Variants in EBF2 observed in about 807,000 individuals in gnomAD.
EBF2 encodes the protein transcription factor COE2.
A neutral mutation model predicts 72.8 loss-of-function variants in EBF2; 21 were observed. That is an observed-to-expected ratio of 0.29 (90% CI 0.20 to 0.42). The LOEUF (loss-of-function observed/expected upper bound fraction) is 0.42. Ranked by LOEUF, EBF2 falls within the 10% of genes least tolerant of loss-of-function variation. The pLI, the probability that EBF2 is intolerant of heterozygous loss-of-function variation, is 1.00. For synonymous variants in EBF2, 299 were observed against 274.2 expected (o/e 1.09, Z -0.89); for missense variants, 637 against 731.2 (o/e 0.87, Z 1.49).
At chr8:25,954,149 T>C (rs1803905581) in intron 6 of EBF2, among the ~76,000 whole-genome samples, 1 of 152,214 alleles carries the variant, frequency 6.6e-6, no homozygotes, top group Non-Finnish European at 1.5e-5. Flanking sequence ...CTAGCTATAT[T>C]CTAGTCATAT....
At chr8:25,979,852 T>C (rs143931177) in intron 6 of EBF2, among the ~76,000 whole-genome samples, 2,682 of 152,112 alleles carry the variant, frequency 0.018, 29 homozygotes, top group Non-Finnish European at 0.024. Context: ...GGCCACAAAA[T>C]AGAGACCCTG....
intron 10 of EBF2, among the ~76,000 whole-genome samples, chr8:25,878,595 G>C (rs1802559845): frequency 6.6e-6 from 1 of 152,192 alleles, no homozygotes; most frequent in South Asian, 2.1e-4. Context: ...GATGACATCA[G>C]CTTCCTGTCT....
rs571419204 is a variant in EBF2, at chr8:25,861,733, A to T, written c.1099-359T>A. The stretch of plus-strand genomic sequence containing the variant: ...AAAATCTGGTTCTCTAATTAACCAA[A>T]TATTCTTAAAATGATTGATGGATTT... On this transcript the variant is annotated intron_variant, in intron 11 of 15. Coordinates refer to ENST00000520164, the MANE Select transcript of EBF2 (RefSeq NM_022659.4). Among the ~76,000 whole-genome samples, 4 of 152,342 alleles carry T rather than the reference A, an allele frequency of 2.6e-5. No individual in the cohort carries two copies. The South Asian group carries it at 8.3e-4, about 32-fold the overall frequency.
intron 6 of EBF2, among the ~76,000 whole-genome samples, chr8:25,944,821 A>G (rs1803739162): frequency 6.6e-6 from 1 of 150,982 alleles, no homozygotes; most frequent in Non-Finnish European, 1.5e-5. Context: ...ACACTTATAT[A>G]GACATACACA....
chr8:25,896,746 C>A (rs539873718), intron 7 of EBF2, among the ~76,000 whole-genome samples: 1 of 152,196 alleles, frequency 6.6e-6, no homozygotes, highest in Non-Finnish European at 1.5e-5. Flanking sequence ...GAGAAATACA[C>A]GTCGGGTTTT....
At chr8:25,907,311 T>A (rs1223725870) in intron 7 of EBF2, among the ~76,000 whole-genome samples, 1 of 147,780 alleles carries the variant, frequency 6.8e-6, no homozygotes, top group African/African-American at 2.5e-5. Flanking sequence ...TCCTAGCTAC[T>A]CAGGAGGGTG....
chr8:25,897,394 T>A (rs1400288945), intron 7 of EBF2, among the ~76,000 whole-genome samples: 2 of 152,176 alleles, frequency 1.3e-5, no homozygotes, highest in Admixed American at 1.3e-4. Flanking sequence ...TCAAGGAGTA[T>A]ACATGCAGGT....
intron 8 of EBF2, 148 bp from the exon 9 acceptor site, chr8:25,888,120 C>T (rs1439232371): frequency 1.1e-6 from 1 of 899,666 alleles, no homozygotes; most frequent in African/African-American, 1.7e-5. Flanking sequence ...TAACAAACAA[C>T]AAACAAAAAA....
intron 6 of EBF2, among the ~76,000 whole-genome samples, chr8:25,917,188 T>A (rs549922937): frequency 2.2e-5 from 3 of 137,870 alleles, no homozygotes; most frequent in Non-Finnish European, 3.1e-5. Flanking sequence ...TTTGTGTGTT[T>A]GTGGTTTGGG....
rs745956432 is a variant in EBF2, at chr8:25,862,775, G to A, written c.1032C>T (p.Asp344=). ...IYTALNEPTI[D]YGFQRLQKVI... is the part of the protein sequence containing the mutation. ...CCTTCTGCAGTCTCTGGAAGCCATA[G>A]TCTATGGTGGGTTCATTTAATGCTG... is the stretch of plus-strand genomic sequence containing the variant. Residue 344 remains aspartate, a synonymous_variant, in exon 11 of 16, where the codon GAC becomes GAT. Coordinates refer to ENST00000520164, the MANE Select transcript of EBF2 (RefSeq NM_022659.4). The A allele has an allele frequency of 5.6e-6, 9 of 1,598,624 alleles. No individual in the cohort carries two copies. The highest frequency in any genetic ancestry group is 7.7e-6 in the Non-Finnish European group (9 of 1,171,552).
At chr8:25,888,513 T>A (rs878975371) in intron 8 of EBF2, among the ~76,000 whole-genome samples, 1 of 152,158 alleles carries the variant, frequency 6.6e-6, no homozygotes, top group Non-Finnish European at 1.5e-5. Context: ...GTAAATCCCC[T>A]TTCTCTCCCC....
chr8:25,972,842 G>T (rs1339365523), intron 6 of EBF2, among the ~76,000 whole-genome samples: 1 of 148,684 alleles, frequency 6.7e-6, no homozygotes, highest in Non-Finnish European at 1.5e-5. Flanking sequence ...AAACTAGCAG[G>T]TACAATATGC....
intron 6 of EBF2, among the ~76,000 whole-genome samples, chr8:26,018,542 G>C (rs1016216573): frequency 1.4e-4 from 21 of 150,660 alleles, no homozygotes; most frequent in Middle Eastern, 6.8e-3. Flanking sequence ...GTGGTGTCAG[G>C]CGTCTATAGT....
At chr8:25,862,827 G>A in intron 10 of EBF2, 30 bp from the exon 11 acceptor site, 3 of 1,534,734 alleles carry the variant, frequency 2.0e-6, no homozygotes, top group Non-Finnish European at 2.7e-6. Context: ...TTTCTGAGTT[G>A]GTATCCTGGC....
chr8:25,878,894 A>G (rs1254878647), intron 10 of EBF2, among the ~76,000 whole-genome samples: 1 of 151,646 alleles, frequency 6.6e-6, no homozygotes, highest in African/African-American at 2.4e-5. Flanking sequence ...ACCACCAACT[A>G]TCAGGCTGGA....
At chr8:25,869,753 T>C (rs1802399563) in intron 10 of EBF2, among the ~76,000 whole-genome samples, 1 of 152,190 alleles carries the variant, frequency 6.6e-6, no homozygotes. Flanking sequence ...GGTGGTAATA[T>C]GCAATAGTGA....
At chr8:25,997,398 C>T (rs532913356) in intron 6 of EBF2, among the ~76,000 whole-genome samples, 3 of 151,970 alleles carry the variant, frequency 2.0e-5, no homozygotes, top group Non-Finnish European at 4.4e-5. Flanking sequence ...TAGCGAGACC[C>T]CATCTCTATA....
At chr8:26,017,817 C>T (rs1563209872) in intron 6 of EBF2, among the ~76,000 whole-genome samples, 2 of 152,176 alleles carry the variant, frequency 1.3e-5, no homozygotes, top group Non-Finnish European at 2.9e-5. Flanking sequence ...CTTTTGGCAC[C>T]TAGAGCTATA....
intron 6 of EBF2, among the ~76,000 whole-genome samples, chr8:25,947,564 C>G (rs998949738): frequency 2.6e-5 from 4 of 152,186 alleles, no homozygotes; most frequent in African/African-American, 9.6e-5. Context: ...GCATTTAGAC[C>G]AGCATCCATA....
Sources: allele counts gnomAD v4.1 joint callset (sites outside exome capture counted in the v4.1 genomes callset), GRCh38; gene constraint gnomAD v4.1.1; transcripts MANE v1.5; gene names NCBI Gene and HGNC (gene_info 2026-07-23, HGNC 2026-07-21).